ANXA6: variants seen among roughly 807,000 people sequenced by gnomAD.
ANXA6 encodes 67 kDa calelectrin.
Under a neutral mutation model 95.4 loss-of-function variants are expected in ANXA6, and 71 were observed. The observed-to-expected ratio is 0.74, with a 90% CI of 0.61 to 0.91. ANXA6 has a LOEUF of 0.91. Ranked by LOEUF, ANXA6 falls within the 40% of genes least tolerant of loss-of-function variation. The probability of loss-of-function intolerance (pLI) is 0.00; values close to 1 mark genes in which losing one functional copy is unlikely to be tolerated. For missense variants in ANXA6, 830 were observed against 876.4 expected, an observed-to-expected ratio of 0.95 and a Z score of 0.67; for synonymous variants, 289 against 315.9, an observed-to-expected ratio of 0.91 and a Z score of 0.90.
rs545904778 is a variant in ANXA6 at position 151,134,238 on chromosome 5, G to C, written c.546+189C>G. On this transcript the variant is annotated intron_variant, in intron 8 of 25. Coordinates refer to ENST00000354546, the MANE Select transcript of ANXA6 (RefSeq NM_001155.5). ...CACCAATATACCAATATTACATATG[G>C]GATATACCTTTGAAAGATAACTTAT... Among the ~76,000 whole-genome samples, 17 of 152,248 alleles carry C rather than the reference G, an allele frequency of 1.1e-4. No individual in the cohort carries two copies. The South Asian group carries it at 3.5e-3, about 32-fold the overall frequency.
chr5:151,101,330 A>ACACC lies in ANXA6; in HGVS notation c.*117_*118insGGTG. On this transcript the variant is annotated 3_prime_UTR_variant, in exon 26 of 26. Coordinates refer to ENST00000354546, the MANE Select transcript of ANXA6 (RefSeq NM_001155.5). ...CCACTGAAGATAAGAGCCCAACCCAACCCCTCCCCCCACCCCTGCCCCTTC... is the reference window on the plus strand; with the variant it reads ...CCACTGAAGATAAGAGCCCAACCCAACACCCCCCTCCCCCCACCCCTGCCCCTTC... 2.6e-6 allele frequency: 1 copy of ACACC among 385,870 alleles called. No individual in the cohort carries two copies. The highest frequency in any genetic ancestry group is 1.9e-5 in the South Asian group (1 of 52,342). The allele number at this position is 385,870 out of a possible 1,614,324, so 23.9% of individuals were successfully genotyped here.
chr5:151,118,346 G>A (rs1040214283), intron 18 of ANXA6, among the ~76,000 whole-genome samples: 1 of 150,582 alleles, frequency 6.6e-6, no homozygotes, highest in African/African-American at 2.4e-5. Context: ...CTACAGCCTC[G>A]ACCTCCCTGG....
intron 23 of ANXA6, among the ~76,000 whole-genome samples, chr5:151,106,873 T>C (rs1210036558): frequency 1.3e-5 from 2 of 152,148 alleles, no homozygotes; most frequent in African/African-American, 2.4e-5. Context: ...TGCCATTGGA[T>C]GGAGGAGTGT....
At chr5:151,103,492 G>A (rs1764606005) in intron 25 of ANXA6, 78 bp downstream of exon 25, 1 of 1,448,472 alleles carries the variant, frequency 6.9e-7, no homozygotes, top group Admixed American at 2.3e-5. Context: ...AAAAGTCCAT[G>A]GGAATAAAGA....
At chr5:151,108,129 T>C (rs1349889567) in intron 23 of ANXA6, among the ~76,000 whole-genome samples, 1 of 152,026 alleles carries the variant, frequency 6.6e-6, no homozygotes, top group Non-Finnish European at 1.5e-5. Flanking sequence ...ATGTGTCTTG[T>C]ATATGTTAGG....
At position 151,100,719 on chromosome 5, in the gene ANXA6, TTGTG is replaced by T. The variant is rs1299035553; in HGVS notation, c.*725_*728del. The stretch of plus-strand genomic sequence containing the variant: ...CCTCACTGGAAATGTGTTTATGTGT[TTGTG>T]TATCTCTTTTTATTTCTTCCTTAGA... On this transcript the variant is annotated 3_prime_UTR_variant, in exon 26 of 26. Coordinates refer to ENST00000354546, the MANE Select transcript of ANXA6 (RefSeq NM_001155.5). The T allele has an allele frequency of 2.7e-6, 1 of 374,000 alleles. No individual in the cohort carries two copies. The highest frequency in any genetic ancestry group is 2.1e-5 in the African/African-American group (1 of 47,326). The allele number at this position is 374,000 out of a possible 1,614,324, so 23.2% of individuals were successfully genotyped here. A position where few individuals can be genotyped will look rare whatever the true frequency, so the allele number is the denominator to read the frequency against.
chr5:151,135,375 C>T (rs1026594101), intron 7 of ANXA6, among the ~76,000 whole-genome samples: 1 of 152,234 alleles, frequency 6.6e-6, no homozygotes, highest in African/African-American at 2.4e-5. Context: ...CACTGTCCCA[C>T]TCCTGAGGTT....
chr5:151,117,118 G>C lies in ANXA6; in HGVS notation c.1572+9C>G, dbSNP rs1365950631. The C allele has an allele frequency of 6.3e-7, 1 of 1,584,812 alleles. No homozygotes were observed. The highest frequency in any genetic ancestry group is 1.4e-5 in the African/African-American group (1 of 73,984). ...GGCAGAGGTGACTGGGGTGGGCTGG[G>C]GGTCTTACCTGGGCATCTTCCCGTG... is the stretch of plus-strand genomic sequence containing the variant. On this transcript the variant is annotated intron_variant, in intron 20 of 25. Transcript: ENST00000354546.
At chr5:151,146,022 G>A (rs1765966922) in intron 2 of ANXA6, among the ~76,000 whole-genome samples, 1 of 152,078 alleles carries the variant, frequency 6.6e-6, no homozygotes, top group Non-Finnish European at 1.5e-5. Context: ...GTGCATGGAG[G>A]GTGCCAACTC....
At position 151,105,251 on chromosome 5, in the gene ANXA6, G is replaced by A; in HGVS notation, c.1833C>T (p.Ser611=). The change falls in exon 24 of 26, where the codon TCC becomes TCT. Residue 611 remains serine (S), a synonymous_variant. Coordinates refer to ENST00000354546, the MANE Select transcript of ANXA6 (RefSeq NM_001155.5). ...CGCCAGCATGTTTTCTTACCTTCAT[G>A]GATTTGTAAAGTTTGTCGGCAAAGA... ...PLFFADKLYK[S]MKGAGTDEKT... 1 of 1,613,856 alleles carries A rather than the reference G, an allele frequency of 6.2e-7. No homozygotes were observed. The highest frequency in any genetic ancestry group is 1.1e-5 in the South Asian group (1 of 91,076).
intron 23 of ANXA6, among the ~76,000 whole-genome samples, chr5:151,106,297 G>A (rs1764693959): frequency 6.6e-6 from 1 of 152,068 alleles, no homozygotes; most frequent in Non-Finnish European, 1.5e-5. Flanking sequence ...TTAAAAAGGA[G>A]GAACCAGACA....
At position 151,128,254 on chromosome 5, in the gene ANXA6, A is replaced by G; in HGVS notation, c.919-15T>C. The stretch of plus-strand genomic sequence containing the variant: ...GAGGTGTCATTCTGAAGAGAAAGAA[A>G]GAAAGGTTACCTCTCACCCAGCCCT... On this transcript the variant is annotated splice_polypyrimidine_tract_variant and intron_variant, in intron 12 of 25. Transcript: ENST00000354546. 6.2e-7 allele frequency: 1 copy of G among 1,604,372 alleles called. No individual in the cohort carries two copies. The highest frequency in any genetic ancestry group is 1.3e-5 in the African/African-American group (1 of 74,884).
chr5:151,143,882 CA>C (rs1489983190), intron 2 of ANXA6, among the ~76,000 whole-genome samples: 2 of 152,012 alleles, frequency 1.3e-5, no homozygotes, highest in Non-Finnish European at 2.9e-5. Flanking sequence ...AGGCTGGCCC[CA>C]AGGAGTAGAG....
Position 151,132,536 on chromosome 5 carries a change from T to C in ANXA6, c.676A>G (p.Ile226Val), listed in dbSNP as rs1240682015. Residue 226 changes from isoleucine to valine, a missense_variant, in exon 10 of 26, where the codon ATT becomes GTT. Ile to Val is a conservative substitution (Grantham distance 29, BLOSUM62 3). Transcript: ENST00000354546. ...DEYLKTTGKPIEASIRGELSG... is the reference protein window; with the variant it reads ...DEYLKTTGKPVEASIRGELSG... ...AGCTCCCCTCGGATGCTGGCTTCAA[T>C]CGGCTTCCCTGTGGTCTTCAGATAC... 6.2e-7 allele frequency: 1 copy of C among 1,613,438 alleles called. No individual in the cohort carries two copies. Among genetic ancestry groups the C allele is most frequent in the Non-Finnish European group, 8.5e-7 (1 of 1,179,730 alleles).
chr5:151,128,667 C>A (rs1765399915), intron 12 of ANXA6, among the ~76,000 whole-genome samples: 1 of 152,108 alleles, frequency 6.6e-6, no homozygotes, highest in South Asian at 2.1e-4. Context: ...AAAAATCAAA[C>A]AAATATATAT....
At chr5:151,149,179 C>CAAAAAAAAA (rs36120948) in intron 1 of ANXA6, among the ~76,000 whole-genome samples, 1 of 47,298 alleles carries the variant, frequency 2.1e-5, no homozygotes, top group African/African-American at 9.0e-5. Flanking sequence ...AGCCCTGTCT[C>CAAAAAAAAA]AAAAAAAAAA....
intron 24 of ANXA6, among the ~76,000 whole-genome samples, chr5:151,103,895 G>C (rs1012180842): frequency 1.3e-5 from 2 of 152,222 alleles, no homozygotes; most frequent in African/African-American, 4.8e-5. Context: ...AAAAAGATGT[G>C]TGTGGGTTGA....
chr5:151,133,715 T>G (rs560998372), intron 8 of ANXA6, among the ~76,000 whole-genome samples: 2 of 152,218 alleles, frequency 1.3e-5, no homozygotes, highest in African/African-American at 4.8e-5. Context: ...TATACCTATA[T>G]GCCTTTCTTC....
chr5:151,118,486 T>A (rs573080669), intron 18 of ANXA6, among the ~76,000 whole-genome samples: 1 of 152,076 alleles, frequency 6.6e-6, no homozygotes, highest in Non-Finnish European at 1.5e-5. Flanking sequence ...CAGGTTGGAG[T>A]GCAGTGGCGT....
Sources: allele counts gnomAD v4.1 joint callset (sites outside exome capture counted in the v4.1 genomes callset), GRCh38; gene constraint gnomAD v4.1.1; transcripts MANE v1.5; gene names NCBI Gene and HGNC (gene_info 2026-07-23, HGNC 2026-07-21).